Variants in GPR39 observed in about 807,000 individuals in gnomAD.
GPR39 encodes zinc sensing receptor.
Under a neutral mutation model 18.4 loss-of-function variants are expected in GPR39, and 23 were observed. That is an observed-to-expected ratio of 1.25 (90% CI 0.90 to 1.77). The LOEUF is 1.77. GPR39 is among the 40% of genes most tolerant of loss of function. The pLI is 0.00. For synonymous variants in GPR39, 280 were observed against 257.9 expected (o/e 1.09, Z -0.82); for missense variants, 647 against 602.4 (o/e 1.07, Z -0.78).
At chr2:132,549,292 C>T (rs557633834) in intron 1 of GPR39, among the ~76,000 whole-genome samples, 4 of 152,302 alleles carry the variant, frequency 2.6e-5, no homozygotes, top group East Asian at 3.9e-4. Context: ...ATACCACACC[C>T]CAAGCCTGTA....
At chr2:132,486,069 T>C (rs1681331638) in intron 1 of GPR39, among the ~76,000 whole-genome samples, 1 of 152,246 alleles carries the variant, frequency 6.6e-6, no homozygotes, top group Admixed American at 6.5e-5. Flanking sequence ...AACATTAATC[T>C]CCTTGTACAT....
At chr2:132,538,756 C>A (rs1679806442) in intron 1 of GPR39, among the ~76,000 whole-genome samples, 1 of 152,206 alleles carries the variant, frequency 6.6e-6, no homozygotes, top group Non-Finnish European at 1.5e-5. Flanking sequence ...TGCAGAGATG[C>A]CCTGCCCCGT....
At chr2:132,626,175 A>T (rs1223475862) in intron 1 of GPR39, among the ~76,000 whole-genome samples, 1 of 152,156 alleles carries the variant, frequency 6.6e-6, no homozygotes, top group Admixed American at 6.5e-5. Flanking sequence ...ACTGCTGGTT[A>T]GTACAGAGCT....
At chr2:132,491,255 TGAGAA>T (rs1272135236) in intron 1 of GPR39, among the ~76,000 whole-genome samples, 1 of 152,146 alleles carries the variant, frequency 6.6e-6, no homozygotes, top group Non-Finnish European at 1.5e-5. Flanking sequence ...GTGCCCAGCT[TGAGAA>T]GAGAAGAAAT....
At chr2:132,602,891 G>A (rs548403346) in intron 1 of GPR39, among the ~76,000 whole-genome samples, 1 of 135,568 alleles carries the variant, frequency 7.4e-6, no homozygotes, top group African/African-American at 2.6e-5. Flanking sequence ...AAAAACAAAT[G>A]CTAGTGAGAT....
Position 132,645,926 on chromosome 2 carries a change from G to C in GPR39, c.*320G>C. The C allele has an allele frequency of 2.7e-6, 2 of 738,092 alleles. No individual in the cohort carries two copies. The highest frequency in any genetic ancestry group is 4.3e-6 in the Non-Finnish European group (2 of 463,246). The allele number at this position is 738,092 out of a possible 1,614,324, so 45.7% of individuals were successfully genotyped here. A position where few individuals can be genotyped will look rare whatever the true frequency, so the allele number is the denominator to read the frequency against. ...TTTGCACAGGAACAAAAGAGAACACGGACTCCCGCTCCCTACCCAGAATAA... is the reference window on the plus strand; with the variant it reads ...TTTGCACAGGAACAAAAGAGAACACCGACTCCCGCTCCCTACCCAGAATAA... On this transcript the variant is annotated 3_prime_UTR_variant, in exon 2 of 2. Transcript: ENST00000329321.
intron 1 of GPR39, among the ~76,000 whole-genome samples, chr2:132,624,022 G>A (rs1022446853): frequency 1.6e-4 from 24 of 152,168 alleles, no homozygotes; most frequent in Non-Finnish European, 2.9e-5. Context: ...AGGAAGCCAG[G>A]GATAACCTGG....
At chr2:132,614,182 T>TTG (rs59675877) in intron 1 of GPR39, among the ~76,000 whole-genome samples, 5,800 of 152,022 alleles carry the variant, frequency 0.038, 377 homozygotes, top group African/African-American at 0.13. Flanking sequence ...GCTTGCTTTT[T>TTG]TTTTTGTTTT....
chr2:132,569,112 C>T (rs760695718), intron 1 of GPR39, among the ~76,000 whole-genome samples: 2 of 152,040 alleles, frequency 1.3e-5, no homozygotes, highest in Non-Finnish European at 2.9e-5. Flanking sequence ...GTACCTGGCA[C>T]GTTGTAACTT....
At position 132,598,463 on chromosome 2, in the gene GPR39, G is replaced by GTTT. The variant is rs772410404; in HGVS notation, c.857-46634_857-46632dup. Among the ~76,000 whole-genome samples the GTTT allele has an allele frequency of 1.6e-4, 18 of 112,086 alleles. No individual in the cohort carries two copies. The East Asian group carries it at 3.0e-3, about 19-fold the overall frequency. 73.5% of individuals were successfully genotyped at this position (112,086 alleles called of 152,430 possible). The stretch of plus-strand genomic sequence containing the variant: ...TTTTTTTTTTTTTTTAAGCAATGGG[G>GTTT]TTTTTTGTTGTTGTTGTTGTTTAAG... On this transcript the variant is annotated intron_variant, in intron 1 of 1. Coordinates refer to ENST00000329321, the MANE Select transcript of GPR39 (RefSeq NM_001508.3).
intron 1 of GPR39, among the ~76,000 whole-genome samples, chr2:132,549,580 A>T (rs1158612151): frequency 6.6e-6 from 1 of 152,110 alleles, no homozygotes; most frequent in African/African-American, 2.4e-5. Flanking sequence ...CGAGGTCAGG[A>T]GATTGAGACC....
intron 1 of GPR39, among the ~76,000 whole-genome samples, chr2:132,583,046 T>C (rs1198539725): frequency 2.6e-5 from 4 of 151,154 alleles, no homozygotes; most frequent in South Asian, 4.2e-4. Context: ...TACAAGTACC[T>C]GCCACCATAC....
At chr2:132,605,627 G>A (rs1031444994) in intron 1 of GPR39, among the ~76,000 whole-genome samples, 7 of 152,152 alleles carry the variant, frequency 4.6e-5, no homozygotes, top group Non-Finnish European at 1.0e-4. Context: ...CCTCTGTTAT[G>A]CGTGGTTTTT....
chr2:132,641,109 C>T (rs1681849879), intron 1 of GPR39, among the ~76,000 whole-genome samples: 1 of 152,166 alleles, frequency 6.6e-6, no homozygotes, highest in African/African-American at 2.4e-5. Flanking sequence ...AAGTTTATCC[C>T]AACAGCCCTG....
chr2:132,630,332 A>G (rs986270044), intron 1 of GPR39, among the ~76,000 whole-genome samples: 43 of 152,206 alleles, frequency 2.8e-4, no homozygotes, highest in African/African-American at 1.0e-3. Flanking sequence ...GAAGTGAAAC[A>G]TGAATAACAG....
intron 1 of GPR39, among the ~76,000 whole-genome samples, chr2:132,630,509 C>T (rs529865747): frequency 2.6e-5 from 4 of 152,234 alleles, no homozygotes; most frequent in East Asian, 3.9e-4. Context: ...TCCTGTAGGA[C>T]TTGTTGAGGA....
At chr2:132,569,078 G>T (rs1680398982) in intron 1 of GPR39, among the ~76,000 whole-genome samples, 1 of 152,082 alleles carries the variant, frequency 6.6e-6, no homozygotes, top group African/African-American at 2.4e-5. Flanking sequence ...TGTTGCTATG[G>T]TTCCATTTAA....
At chr2:132,552,990 G>T (rs1440071297) in intron 1 of GPR39, among the ~76,000 whole-genome samples, 3 of 150,544 alleles carry the variant, frequency 2.0e-5, no homozygotes, top group Non-Finnish European at 4.4e-5. Flanking sequence ...AGGCTGGAGT[G>T]CAGTGGTTCC....
At chr2:132,599,126 A>G (rs1680998101) in intron 1 of GPR39, among the ~76,000 whole-genome samples, 2 of 152,090 alleles carry the variant, frequency 1.3e-5, no homozygotes, top group South Asian at 4.1e-4. Context: ...GGTCTAAGTT[A>G]TAAAGGGGGT....
Sources: allele counts gnomAD v4.1 joint callset (sites outside exome capture counted in the v4.1 genomes callset), GRCh38; gene constraint gnomAD v4.1.1; transcripts MANE v1.5; gene names NCBI Gene and HGNC (gene_info 2026-07-23, HGNC 2026-07-21).